MYSM1: variants seen among roughly 807,000 people sequenced by gnomAD.
The protein encoded by MYSM1 is deubiquitinase MYSM1.
A neutral mutation model predicts 116.0 loss-of-function variants in MYSM1; 51 were observed. The ratio of observed to expected loss-of-function variants is 0.44; its 90% CI spans 0.35 to 0.56. The LOEUF is 0.56. MYSM1 is among the 20% of genes least tolerant of loss of function. MYSM1 has a pLI of 0.00. For synonymous variants in MYSM1, 313 were observed against 315.2 expected (o/e 0.99, Z 0.07); for missense variants, 900 against 974.9 (o/e 0.92, Z 1.02).
chr1:58,687,788 C>T (rs940396948), intron 6 of MYSM1, among the ~76,000 whole-genome samples: 2 of 152,174 alleles, frequency 1.3e-5, no homozygotes, highest in Non-Finnish European at 2.9e-5. Context: ...GGGCAGCAAG[C>T]CATACTGCCC....
intron 19 of MYSM1, 130 bp downstream of exon 19, chr1:58,661,040 A>C: frequency 1.5e-6 from 1 of 683,928 alleles, no homozygotes; most frequent in Non-Finnish European, 2.4e-6. Flanking sequence ...TAATTTTCCA[A>C]AGGAAAAAGT....
chr1:58,667,422 TC>T (rs757580660), intron 15 of MYSM1, among the ~76,000 whole-genome samples, 196 bp from the exon 16 acceptor site: 1 of 152,218 alleles, frequency 6.6e-6, no homozygotes, highest in Non-Finnish European at 1.5e-5. Context: ...CATGCATTTT[TC>T]TACTCAAACA....
chr1:58,672,977 T>G (rs1175914809), intron 11 of MYSM1, among the ~76,000 whole-genome samples: 1 of 152,232 alleles, frequency 6.6e-6, no homozygotes, highest in African/African-American at 2.4e-5. Flanking sequence ...ACTTTGTGCA[T>G]GCAAGGCTTA....
chr1:58,698,427 G>GTATAA (rs1218888590), intron 1 of MYSM1, among the ~76,000 whole-genome samples: 2 of 151,770 alleles, frequency 1.3e-5, no homozygotes, highest in East Asian at 3.9e-4. Flanking sequence ...GATACTCCTT[G>GTATAA]GGGTTGTATA....
Position 58,689,115 on chromosome 1 carries a change from C to T in MYSM1, c.322G>A (p.Val108Ile). 1 of 1,588,786 alleles carries T rather than the reference C, an allele frequency of 6.3e-7. No individual in the cohort carries two copies. Among genetic ancestry groups the T allele is most frequent in the Non-Finnish European group, 8.5e-7 (1 of 1,174,004 alleles). ...KSLQKTAKIM[V>I]HSPTKPASYS... ...CTGGCTGGTTTTGTAGGAGAGTGTA[C>T]CCTGAGGGGAAAAAAAGGAATTGCA... The change falls in exon 6 of 20, where the codon GTA (valine) becomes ATA (isoleucine). Residue 108 changes from valine to isoleucine, a missense_variant and splice_region_variant. By Grantham distance (29) the Val-to-Ile change is conservative. Coordinates refer to ENST00000472487, the MANE Select transcript of MYSM1 (RefSeq NM_001085487.3).
At chr1:58,669,696 C>T (rs1398961172) in intron 12 of MYSM1, among the ~76,000 whole-genome samples, 2 of 151,700 alleles carry the variant, frequency 1.3e-5, no homozygotes, top group East Asian at 1.9e-4. Context: ...AGCGTGGTGG[C>T]GTGTGCCTGT....
intron 17 of MYSM1, among the ~76,000 whole-genome samples, chr1:58,663,670 T>A (rs4912366): frequency 0.36 from 54,685 of 152,094 alleles, 10,122 homozygotes; most frequent in Non-Finnish European, 0.41. Flanking sequence ...TTCTTTCCCA[T>A]CTGGGCTAGT....
chr1:58,685,482 T>G (rs1427740558), intron 6 of MYSM1, among the ~76,000 whole-genome samples: 3 of 152,186 alleles, frequency 2.0e-5, no homozygotes, highest in African/African-American at 7.2e-5. Context: ...AACTCCTTTT[T>G]AAAAAGAATA....
chr1:58,673,365 G>A (rs1047784459), intron 11 of MYSM1, among the ~76,000 whole-genome samples: 5 of 152,184 alleles, frequency 3.3e-5, no homozygotes, highest in African/African-American at 9.7e-5. Flanking sequence ...GAGAATCCAA[G>A]TTCTGAAATG....
Position 58,675,566 on chromosome 1 carries a change from T to C in MYSM1, c.1405A>G (p.Asn469Asp), listed in dbSNP as rs1199646223. 4.3e-6 allele frequency: 7 copies of C among 1,613,204 alleles called. No homozygotes were observed. The African/African-American group carries it at 5.3e-5, about 12-fold the overall frequency. Residue 469 changes from asparagine (N) to aspartate (D), a missense_variant, in exon 10 of 20, where the codon AAT (asparagine) becomes GAT (aspartate). Asn to Asp is a conservative substitution (Grantham distance 23). Transcript: ENST00000472487. ...INFGCEQAVY[N>D]RPQTVDKVRI... ...ACTTTGTCAACTGTTTGTGGCCTATTATACACAGCCTGTTCTATTGGAATT... is the reference window on the plus strand; with the variant it reads ...ACTTTGTCAACTGTTTGTGGCCTATCATACACAGCCTGTTCTATTGGAATT...
At chr1:58,699,820 G>C (rs1400373707) in intron 1 of MYSM1, 165 bp downstream of exon 1, 1 of 985,450 alleles carries the variant, frequency 1.0e-6, no homozygotes, top group East Asian at 1.1e-4. Flanking sequence ...CGCTGGGCTT[G>C]GGACAAGCCG....
Position 58,692,856 on chromosome 1 carries a change from G to T in MYSM1, c.218+5C>A. The stretch of plus-strand genomic sequence containing the variant: ...TGTACTTTCCTCATAATCATTAAAG[G>T]ATACTCTTCTTCCAACAACATTTTC... On this transcript the variant is annotated splice_donor_5th_base_variant and intron_variant, in intron 3 of 19. Coordinates refer to ENST00000472487, the MANE Select transcript of MYSM1 (RefSeq NM_001085487.3). 1.3e-6 allele frequency: 2 copies of T among 1,599,602 alleles called. No individual in the cohort carries two copies. Among genetic ancestry groups the T allele is most frequent in the Non-Finnish European group, 1.7e-6 (2 of 1,174,108 alleles).
rs1644780559 is a variant in MYSM1, at chr1:58,683,582, A to AATGAGCAAAT, written c.499-1047_499-1038dup. Among the ~76,000 whole-genome samples, 13 of 152,320 alleles carry AATGAGCAAAT rather than the reference A, an allele frequency of 8.5e-5. 1 individual carries two copies. In the South Asian group the frequency reaches 2.7e-3, roughly 32 times the overall value. On this transcript the variant is annotated intron_variant, in intron 7 of 19. Transcript: ENST00000472487. ...ACAACAAAAAAAGATAATGAAAGTG[A>AATGAGCAAAT]ATGAGCAAATATAACATGAAATAAA...
chr1:58,699,102 G>A (rs1418730969), intron 1 of MYSM1, among the ~76,000 whole-genome samples: 1 of 152,152 alleles, frequency 6.6e-6, no homozygotes, highest in African/African-American at 2.4e-5. Context: ...CAGGCTTTCT[G>A]ATTCCTGGCT....
intron 9 of MYSM1, 119 bp downstream of exon 9, chr1:58,676,807 C>T (rs1032374890): frequency 9.1e-6 from 9 of 986,994 alleles, no homozygotes; most frequent in East Asian, 3.3e-5. Context: ...AATAATGTTA[C>T]AGCACCTCTG....
chr1:58,685,606 C>G (rs1017268830), intron 6 of MYSM1, among the ~76,000 whole-genome samples: 5 of 152,068 alleles, frequency 3.3e-5, no homozygotes, highest in East Asian at 3.9e-4. Flanking sequence ...GTACAGGTTA[C>G]ATTTTCCATT....
chr1:58,662,443 T>C (rs1272021415), intron 17 of MYSM1, among the ~76,000 whole-genome samples: 1 of 132,030 alleles, frequency 7.6e-6, no homozygotes, highest in African/African-American at 2.8e-5. Context: ...ATGAAGTAGC[T>C]GCCATTATTC....
At chr1:58,697,164 G>A (rs1644987353) in intron 1 of MYSM1, among the ~76,000 whole-genome samples, 1 of 152,218 alleles carries the variant, frequency 6.6e-6, no homozygotes, top group African/African-American at 2.4e-5. Flanking sequence ...AGTAGAAGGA[G>A]GGAGGTAAGG....
intron 16 of MYSM1, among the ~76,000 whole-genome samples, chr1:58,666,831 G>A (rs1644478171): frequency 6.6e-6 from 1 of 150,500 alleles, no homozygotes; most frequent in Non-Finnish European, 1.5e-5. Context: ...CCAAGATCGT[G>A]CCATTGCACT....
Sources: gnomAD v4.1 joint callset for allele counts (sites outside exome capture counted in the v4.1 genomes callset) on GRCh38, gnomAD v4.1.1 for gene constraint, MANE v1.5 for transcripts, NCBI Gene and HGNC (gene_info 2026-07-23, HGNC 2026-07-21) for gene names.